The following POFUT3 variants were observed in gnomAD, a reference collection of about 807,000 sequenced individuals.
The protein encoded by POFUT3 is GDP-fucose protein O-fucosyltransferase 3.
the POFUT3 span, among the ~76,000 whole-genome samples, chr8:33,359,909 G>A: frequency 6.6e-6 from 1 of 152,022 alleles, no homozygotes; most frequent in African/African-American, 2.4e-5. Context: ...AGGAGGCTGA[G>A]ACAAGAGAAT....
At chr8:33,333,520 A>G in the POFUT3 span, among the ~76,000 whole-genome samples, 2 of 152,216 alleles carry the variant, frequency 1.3e-5, no homozygotes, top group South Asian at 4.1e-4. Flanking sequence ...AGGGGCTTAA[A>G]AAAGGCTTCC....
chr8:33,316,131 T>C, the POFUT3 span, among the ~76,000 whole-genome samples: 2 of 152,140 alleles, frequency 1.3e-5, no homozygotes, highest in Non-Finnish European at 2.9e-5. Flanking sequence ...ATCTACTATT[T>C]ATTACAGGAT....
At chr8:33,372,761 C>T in the POFUT3 span, 1 of 1,614,042 alleles carries the variant, frequency 6.2e-7, no homozygotes, top group South Asian at 1.1e-5. Context: ...CTCTGGGCAA[C>T]TCAGGTGGGT....
the POFUT3 span, among the ~76,000 whole-genome samples, chr8:33,405,840 T>A: frequency 1.3e-5 from 2 of 152,192 alleles, no homozygotes; most frequent in African/African-American, 4.8e-5. Flanking sequence ...TAAATAAAAT[T>A]TTGTTAAAAG....
the POFUT3 span, among the ~76,000 whole-genome samples, chr8:33,356,832 T>C: frequency 2.6e-5 from 4 of 152,208 alleles, no homozygotes; most frequent in African/African-American, 9.7e-5. Context: ...TTAATCCATC[T>C]TGAATTAATT....
At chr8:33,315,978 C>A in the POFUT3 span, among the ~76,000 whole-genome samples, 1 of 152,018 alleles carries the variant, frequency 6.6e-6, no homozygotes, top group Non-Finnish European at 1.5e-5. Flanking sequence ...TTTCCTGATA[C>A]TGTCTAATTG....
At chr8:33,386,008 C>T in the POFUT3 span, among the ~76,000 whole-genome samples, 120 of 151,620 alleles carry the variant, frequency 7.9e-4, 1 homozygote, top group African/African-American at 2.8e-3. Context: ...GTCAACATGG[C>T]GGAAACTCTG....
the POFUT3 span, chr8:33,389,553 TA>T: frequency 6.2e-7 from 1 of 1,614,252 alleles, no homozygotes; most frequent in Non-Finnish European, 8.5e-7. Context: ...AGTCTTTTTC[TA>T]AGCTTGTTTT....
the POFUT3 span, among the ~76,000 whole-genome samples, chr8:33,419,082 G>A: frequency 1.3e-5 from 2 of 152,114 alleles, no homozygotes; most frequent in South Asian, 2.1e-4. Flanking sequence ...AAGGTTGGGG[G>A]TGGGGTGGAT....
chr8:33,461,312 G>A, the POFUT3 span: 1 of 1,530,632 alleles, frequency 6.5e-7, no homozygotes, highest in African/African-American at 1.4e-5. Context: ...AGAAAATAGG[G>A]GGTAGGGGGA....
At chr8:33,472,007 G>A in the POFUT3 span, among the ~76,000 whole-genome samples, 1 of 152,164 alleles carries the variant, frequency 6.6e-6, no homozygotes, top group African/African-American at 2.4e-5. Flanking sequence ...TATTCAATGC[G>A]AGAAAGGCCT....
the POFUT3 span, among the ~76,000 whole-genome samples, chr8:33,316,725 G>A: frequency 1.4e-5 from 2 of 142,802 alleles, no homozygotes; most frequent in African/African-American, 5.4e-5. Flanking sequence ...CTAGGTGACA[G>A]AGTGAGACTC....
the POFUT3 span, among the ~76,000 whole-genome samples, chr8:33,382,375 TAAA>T: frequency 8.6e-6 from 1 of 115,826 alleles, no homozygotes; most frequent in African/African-American, 3.5e-5. Context: ...TGAAATCCCA[TAAA>T]ATGACAGCAA....
chr8:33,310,576 A>G, the POFUT3 span, among the ~76,000 whole-genome samples: 2 of 151,980 alleles, frequency 1.3e-5, no homozygotes, highest in African/African-American at 4.8e-5. Context: ...ATCCAGTCCC[A>G]GCTACTCGGG....
the POFUT3 span, among the ~76,000 whole-genome samples, chr8:33,441,407 G>C: frequency 1.5e-5 from 2 of 135,786 alleles, no homozygotes; most frequent in African/African-American, 5.8e-5. Flanking sequence ...TTGAGACAAG[G>C]TCTGGCTCTA....
the POFUT3 span, among the ~76,000 whole-genome samples, chr8:33,309,170 ATATAT>A: frequency 4.8e-5 from 2 of 41,922 alleles, no homozygotes; most frequent in African/African-American, 1.9e-4. Flanking sequence ...AAAAAAAAAT[ATATAT>A]ATATATATAT....
At chr8:33,373,295 G>A in the POFUT3 span, among the ~76,000 whole-genome samples, 2 of 151,860 alleles carry the variant, frequency 1.3e-5, no homozygotes, top group African/African-American at 4.9e-5. Context: ...GTTATTGTAT[G>A]TCTCATTTGT....
At chr8:33,397,802 T>G in the POFUT3 span, among the ~76,000 whole-genome samples, 1 of 152,168 alleles carries the variant, frequency 6.6e-6, no homozygotes, top group South Asian at 2.1e-4. Context: ...TTCCCCAGGG[T>G]GCTCTCAACC....
chr8:33,404,896 C>CA, the POFUT3 span, among the ~76,000 whole-genome samples: 516 of 150,398 alleles, frequency 3.4e-3, 3 homozygotes, highest in Middle Eastern at 6.8e-3. Context: ...ATCACAACAA[C>CA]AACAAAAAAA....
Sources: allele counts gnomAD v4.1 joint callset (sites outside exome capture counted in the v4.1 genomes callset), GRCh38; gene constraint gnomAD v4.1.1; transcripts MANE v1.5; gene names NCBI Gene and HGNC (gene_info 2026-07-23, HGNC 2026-07-21).